Variants in AKAP13 observed in about 807,000 individuals in gnomAD.
AKAP13 encodes A-kinase anchoring protein 13, also known as A-kinase anchor protein 13.
AKAP13 carries 80 observed loss-of-function variants against 264.5 expected under a neutral mutation model. The observed-to-expected ratio is 0.30, with a 90% CI of 0.25 to 0.36. The LOEUF is 0.36. Ranked by LOEUF, AKAP13 falls within the 10% of genes least tolerant of loss-of-function variation. AKAP13 has a pLI of 1.00. For missense variants in AKAP13, 3,712 were observed against 3,435.2 expected (o/e 1.08, Z -2.01); for synonymous variants, 1,380 against 1,250.2 (o/e 1.10, Z -2.19).
chr15:85,434,404 G>A (rs903507734), intron 1 of AKAP13, among the ~76,000 whole-genome samples: 1,994 of 152,228 alleles, frequency 0.013, 53 homozygotes, highest in African/African-American at 0.046. Context: ...AGGGGCGCCC[G>A]CCATTGCCCA....
At chr15:85,383,925 A>G (rs2070420287) in intron 1 of AKAP13, among the ~76,000 whole-genome samples, 1 of 152,202 alleles carries the variant, frequency 6.6e-6, no homozygotes, top group African/African-American at 2.4e-5. Context: ...TGAGCAAATC[A>G]CTCACTTCCT....
chr15:85,482,711 T>G (rs762558174), intron 1 of AKAP13, among the ~76,000 whole-genome samples: 1 of 152,212 alleles, frequency 6.6e-6, no homozygotes, highest in Non-Finnish European at 1.5e-5. Context: ...TTTTTTTCAC[T>G]AGTGAAATAG....
intron 1 of AKAP13, among the ~76,000 whole-genome samples, chr15:85,459,403 T>C (rs1665958983): frequency 6.6e-6 from 1 of 150,634 alleles, no homozygotes; most frequent in Non-Finnish European, 1.5e-5. Flanking sequence ...TTCATCATGT[T>C]GGCCAGGCTG....
intron 17 of AKAP13, among the ~76,000 whole-genome samples, chr15:85,703,283 A>C (rs1175927148): frequency 6.6e-6 from 1 of 152,256 alleles, no homozygotes; most frequent in East Asian, 1.9e-4. Context: ...GGGAAAAGGA[A>C]GGTAAAAAAA....
intron 5 of AKAP13, among the ~76,000 whole-genome samples, chr15:85,544,456 A>AT (rs1414102728): frequency 6.6e-6 from 1 of 152,232 alleles, no homozygotes; most frequent in Non-Finnish European, 1.5e-5. Context: ...TGTGAATAAA[A>AT]TTTGAGAGCA....
rs1358037190 is a variant in AKAP13, at chr15:85,514,639, C to G, written c.34-6789C>G. 1.5e-5 allele frequency among the ~76,000 whole-genome samples: 2 copies of G among 137,888 alleles called. 1 individual carries two copies. Among genetic ancestry groups the G allele is most frequent in the African/African-American group, 5.9e-5 (2 of 34,168 alleles). 90.5% of individuals were successfully genotyped at this position (137,888 alleles called of 152,430 possible). On this transcript the variant is annotated intron_variant, in intron 2 of 36. Coordinates refer to ENST00000394518, the MANE Select transcript of AKAP13 (RefSeq NM_007200.5). ...TGTAAGCCTTTAATGAAATTGAACA[C>G]TGGCTGCCATGAGTTGCCAAGTTAA...
At chr15:85,387,115 A>T (rs2070605392) in intron 1 of AKAP13, among the ~76,000 whole-genome samples, 1 of 151,742 alleles carries the variant, frequency 6.6e-6, no homozygotes, top group Non-Finnish European at 1.5e-5. Flanking sequence ...CGGGTGGATC[A>T]CCTGAGATCA....
intron 9 of AKAP13, among the ~76,000 whole-genome samples, chr15:85,641,274 C>T (rs1175114585): frequency 6.6e-6 from 1 of 151,302 alleles, no homozygotes; most frequent in Non-Finnish European, 1.5e-5. Context: ...GTGAAACTCC[C>T]ATCTCTACTA....
At position 85,740,137 on chromosome 15, in the gene AKAP13, C is replaced by T. The variant is rs190704775; in HGVS notation, c.7558-85C>T. ...GCATTTAGTTGTATCTTAAAGGAGC[C>T]ATCTTATCAGGTAAACATTAGTGTG... On this transcript the variant is annotated intron_variant, in intron 33 of 36. Transcript: ENST00000394518. 76 of 1,369,510 alleles carry T rather than the reference C, an allele frequency of 5.5e-5. No individual in the cohort carries two copies. In the African/African-American group the frequency reaches 7.7e-4, roughly 14 times the overall value. The allele number at this position is 1,369,510 out of a possible 1,614,324, so 84.8% of individuals were successfully genotyped here.
rs146417159 is a variant in AKAP13 at position 85,499,392 on chromosome 15, G to A, written c.33+13639G>A. 5.3e-3 allele frequency among the ~76,000 whole-genome samples: 810 copies of A among 152,266 alleles called. 26 individuals are homozygous for A. The highest frequency in any genetic ancestry group is 0.048 in the Admixed American group (740 of 15,292). On this transcript the variant is annotated intron_variant, in intron 2 of 36. Coordinates refer to ENST00000394518, the MANE Select transcript of AKAP13 (RefSeq NM_007200.5). ...TATGCTTTGCAGTAGTAGCAGCAGC[G>A]CAGATTATGATGCAGATGGAATTGG...
chr15:85,748,565 T>G lies in AKAP13; in HGVS notation c.*3888T>G, dbSNP rs2089436909. On this transcript the variant is annotated 3_prime_UTR_variant, in exon 37 of 37. Coordinates refer to ENST00000394518, the MANE Select transcript of AKAP13 (RefSeq NM_007200.5). ...CTTTCCTTTCAATGTAGCAAAGCAT[T>G]CCTAGTTAACCAGAGCCTTGGAATC... The G allele has an allele frequency of 6.6e-6, 1 of 152,146 alleles. No homozygotes were observed. Among genetic ancestry groups the G allele is most frequent in the Admixed American group, 6.6e-5 (1 of 15,240 alleles). 9.4% of individuals were successfully genotyped at this position (152,146 alleles called of 1,614,324 possible).
intron 5 of AKAP13, among the ~76,000 whole-genome samples, chr15:85,550,150 C>T (rs1328506741): frequency 4.6e-5 from 7 of 152,102 alleles, no homozygotes; most frequent in South Asian, 2.1e-4. Context: ...TTCGTGACCT[C>T]GTGATCCGCC....
intron 1 of AKAP13, among the ~76,000 whole-genome samples, chr15:85,448,557 G>C (rs2073975914): frequency 6.6e-6 from 1 of 152,080 alleles, no homozygotes; most frequent in African/African-American, 2.4e-5. Flanking sequence ...ATGTAAGGAA[G>C]GGGTCCAGCT....
At chr15:85,463,257 A>G in intron 1 of AKAP13, among the ~76,000 whole-genome samples, 1 of 152,210 alleles carries the variant, frequency 6.6e-6, no homozygotes, top group Admixed American at 6.5e-5. Context: ...AGCATGGGAA[A>G]GAAAAAAATA....
chr15:85,619,868 T>C, intron 8 of AKAP13: 1 of 1,397,856 alleles, frequency 7.2e-7, no homozygotes, highest in Non-Finnish European at 9.3e-7. Context: ...ACTCTGAAGT[T>C]ATCAGCAAGT....
intron 2 of AKAP13, among the ~76,000 whole-genome samples, chr15:85,494,314 A>G (rs1258005807): frequency 1.3e-5 from 2 of 152,188 alleles, no homozygotes; most frequent in African/African-American, 4.8e-5. Context: ...AGAGTTTTAG[A>G]CTTCTGATGA....
chr15:85,743,815 T>G lies in AKAP13; in HGVS notation c.8382T>G (p.Ser2794=), dbSNP rs750788350. ...EKKKKNKTSR[S]QPGDGPASEV... ...AAAAGAAGAACAAAACCAGCCGCTC[T>G]CAGCCCGGTGGTGAGTCACGCACAC... Residue 2794 remains serine, a synonymous_variant, in exon 36 of 37, where the codon TCT becomes TCG. Transcript: ENST00000394518. 2 of 1,610,034 alleles carry G rather than the reference T, an allele frequency of 1.2e-6. No homozygotes were observed. Among genetic ancestry groups the G allele is most frequent in the Non-Finnish European group, 1.7e-6 (2 of 1,178,304 alleles).
In AKAP13 at chr15:85,500,199, C is replaced by T. The variant is rs537835716; in HGVS notation, c.33+14446C>T. On this transcript the variant is annotated intron_variant, in intron 2 of 36. Transcript: ENST00000394518. ...ACTTTGCTTTGATCTTTGGGTAGAG[C>T]CTCTAAGAGGTGCTCTCCTAGTGAA... 2.6e-5 allele frequency among the ~76,000 whole-genome samples: 4 copies of T among 152,172 alleles called. No homozygotes were observed. The South Asian group carries it at 8.3e-4, about 32-fold the overall frequency.
intron 8 of AKAP13, among the ~76,000 whole-genome samples, chr15:85,617,306 C>T (rs533606783): frequency 3.3e-5 from 5 of 152,256 alleles, no homozygotes; most frequent in Non-Finnish European, 5.9e-5. Flanking sequence ...TGCAGTGGCG[C>T]GATCTTGGCT....
Sources: allele counts gnomAD v4.1 joint callset (sites outside exome capture counted in the v4.1 genomes callset), GRCh38; gene constraint gnomAD v4.1.1; transcripts MANE v1.5; gene names NCBI Gene and HGNC (gene_info 2026-07-23, HGNC 2026-07-21).